The following MCEE variants were observed in gnomAD, a reference collection of about 807,000 sequenced individuals.
The protein encoded by MCEE is methylmalonyl-CoA epimerase.
Under a neutral mutation model 12.9 loss-of-function variants are expected in MCEE, and 6 were observed. The observed-to-expected ratio is 0.47, with a 90% CI of 0.26 to 0.92. The LOEUF (loss-of-function observed/expected upper bound fraction) is 0.92. MCEE is among the 40% of genes least tolerant of loss of function. The pLI, the probability that MCEE is intolerant of heterozygous loss-of-function variation, is 0.16. For missense variants in MCEE, 214 were observed against 212.1 expected (o/e 1.01, Z -0.05); for synonymous variants, 78 against 77.9 (o/e 1.00, Z -0.01).
In MCEE at chr2:71,130,179, C is replaced by T. The variant is rs146603886; in HGVS notation, c.40+1G>A. ...GAAGGTCGCCGGTGCCCGGTATTCA[C>T]CTACGGCATTCGCGGCTGCAGCCTT... On this transcript the variant is annotated splice_donor_variant, in intron 1 of 2. Transcript: ENST00000244217. LOFTEE classifies it high-confidence loss of function. 1.2e-6 allele frequency: 2 copies of T among 1,609,314 alleles called. No homozygotes were observed. Among genetic ancestry groups the T allele is most frequent in the East Asian group, 2.2e-5 (1 of 44,726 alleles).
At chr2:71,117,929 C>A (rs893989518) in intron 2 of MCEE, among the ~76,000 whole-genome samples, 10 of 149,976 alleles carry the variant, frequency 6.7e-5, no homozygotes, top group Non-Finnish European at 1.2e-4. Context: ...TGTGCTCCAA[C>A]CGTGGGGCTG....
intron 2 of MCEE, among the ~76,000 whole-genome samples, chr2:71,115,454 T>TA (rs1672972636): frequency 6.6e-6 from 1 of 151,136 alleles, no homozygotes; most frequent in Non-Finnish European, 1.5e-5. Context: ...TTTCTATCAC[T>TA]AACTTCAATT....
chr2:71,130,163 C>G lies in MCEE; in HGVS notation c.40+17G>C. ...CTCCCTGTCCCATGGCGAAGGTCGC[C>G]GGTGCCCGGTATTCACCTACGGCAT... On this transcript the variant is annotated intron_variant, in intron 1 of 2. Coordinates refer to ENST00000244217, the MANE Select transcript of MCEE (RefSeq NM_032601.4). 1 of 1,607,252 alleles carries G rather than the reference C, an allele frequency of 6.2e-7. No individual in the cohort carries two copies. The highest frequency in any genetic ancestry group is 1.1e-5 in the South Asian group (1 of 89,544).
At chr2:71,118,970 G>A (rs1209101220) in intron 2 of MCEE, among the ~76,000 whole-genome samples, 1 of 149,290 alleles carries the variant, frequency 6.7e-6, no homozygotes, top group Non-Finnish European at 1.5e-5. Flanking sequence ...TCTCACTCAT[G>A]GATGCCCTCC....
intron 1 of MCEE, 122 bp downstream of exon 1, chr2:71,130,058 C>T (rs1451231002): frequency 1.0e-6 from 1 of 998,204 alleles, no homozygotes; most frequent in South Asian, 1.4e-5. Flanking sequence ...TGCTGTGGAA[C>T]GCGCCCCCGG....
intron 2 of MCEE, among the ~76,000 whole-genome samples, chr2:71,113,499 C>A (rs1384549184): frequency 6.6e-6 from 1 of 151,984 alleles, no homozygotes; most frequent in African/African-American, 2.4e-5. Context: ...TTTGGAGCAT[C>A]TCATATAGAA....
chr2:71,125,446 A>G (rs1470211087), intron 1 of MCEE, among the ~76,000 whole-genome samples: 1 of 151,472 alleles, frequency 6.6e-6, no homozygotes, highest in Admixed American at 6.6e-5. Flanking sequence ...ACCTCAGGTG[A>G]TCCACCCACC....
intron 2 of MCEE, among the ~76,000 whole-genome samples, chr2:71,119,129 T>G (rs982864639): frequency 2.0e-5 from 3 of 150,356 alleles, no homozygotes; most frequent in Non-Finnish European, 4.4e-5. Flanking sequence ...TTTATTTCCT[T>G]TTTTGTTTTT....
chr2:71,129,493 A>C (rs1438000252), intron 1 of MCEE, among the ~76,000 whole-genome samples: 2 of 95,178 alleles, frequency 2.1e-5, no homozygotes, highest in Non-Finnish European at 5.3e-5. Context: ...AAAAGGAGGA[A>C]GAGAAAAAAA....
chr2:71,114,136 T>G (rs563357457), intron 2 of MCEE, among the ~76,000 whole-genome samples: 1 of 151,612 alleles, frequency 6.6e-6, no homozygotes, highest in Non-Finnish European at 1.5e-5. Flanking sequence ...AACTGCCACA[T>G]GCAAGAGGAG....
intron 2 of MCEE, among the ~76,000 whole-genome samples, chr2:71,111,808 T>C (rs1672890291): frequency 6.6e-6 from 1 of 152,158 alleles, no homozygotes. Flanking sequence ...GTCTGGAAAC[T>C]CTCTACAGCC....
intron 2 of MCEE, chr2:71,110,912 TAAATCACTAGTTTAATTA>T (rs1365417223): frequency 2.0e-5 from 3 of 152,110 alleles, no homozygotes; most frequent in East Asian, 1.9e-4. Flanking sequence ...TAGGCAGTCA[TAAATCACTAGTTTAATTA>T]AAATCACTAG....
intron 2 of MCEE, chr2:71,117,722 T>C (rs1261151037): frequency 1.3e-5 from 2 of 150,340 alleles, no homozygotes; most frequent in South Asian, 2.1e-4. Context: ...ATTTTTCTCA[T>C]GTGCTTTTCC....
intron 2 of MCEE, among the ~76,000 whole-genome samples, chr2:71,114,512 A>C (rs34008054): frequency 0.18 from 27,549 of 152,146 alleles, 2,627 homozygotes; most frequent in African/African-American, 0.22. Context: ...CTATTATAAG[A>C]TGTTCATAAT....
intron 2 of MCEE, among the ~76,000 whole-genome samples, chr2:71,119,864 G>C (rs1380733875): frequency 6.7e-6 from 1 of 148,992 alleles, no homozygotes; most frequent in Non-Finnish European, 1.5e-5. Flanking sequence ...GACCAGCCTG[G>C]GCAATATAGC....
chr2:71,123,040 C>T (rs1673128828), intron 2 of MCEE, among the ~76,000 whole-genome samples: 1 of 152,062 alleles, frequency 6.6e-6, no homozygotes, highest in Non-Finnish European at 1.5e-5. Context: ...AATTTCTGAC[C>T]CTCCTCACTA....
chr2:71,109,802 C>A lies in MCEE; in HGVS notation c.*168G>T. ...TATGTTTGTTAATCTAAATAATATACATATTTATGTATTTATATATGTATA... is the reference window on the plus strand; with the variant it reads ...TATGTTTGTTAATCTAAATAATATAAATATTTATGTATTTATATATGTATA... On this transcript the variant is annotated 3_prime_UTR_variant, in exon 3 of 3. Transcript: ENST00000244217. The A allele has an allele frequency of 2.4e-6, 1 of 410,590 alleles. No homozygotes were observed. The highest frequency in any genetic ancestry group is 4.2e-6 in the Non-Finnish European group (1 of 237,666). The allele number at this position is 410,590 out of a possible 1,614,324, so 25.4% of individuals were successfully genotyped here.
chr2:71,113,362 C>T (rs753947997), intron 2 of MCEE, among the ~76,000 whole-genome samples: 28 of 152,052 alleles, frequency 1.8e-4, no homozygotes, highest in Non-Finnish European at 4.0e-4. Flanking sequence ...CAATGACACA[C>T]CCAGTAGCAA....
chr2:71,118,926 G>A (rs921546637), intron 2 of MCEE, among the ~76,000 whole-genome samples: 2 of 149,544 alleles, frequency 1.3e-5, no homozygotes, highest in Non-Finnish European at 1.5e-5. Context: ...CCATGCATGG[G>A]CACTCAGTCT....
Sources: allele counts gnomAD v4.1 joint callset (sites outside exome capture counted in the v4.1 genomes callset), GRCh38; gene constraint gnomAD v4.1.1; transcripts MANE v1.5; gene names NCBI Gene and HGNC (gene_info 2026-07-23, HGNC 2026-07-21).